SLFN12: variants seen among roughly 807,000 people sequenced by gnomAD.
SLFN12 encodes the protein ribonuclease SLFN12.
Under a neutral mutation model 29.1 loss-of-function variants are expected in SLFN12, and 25 were observed. The ratio of observed to expected loss-of-function variants is 0.86; its 90% CI spans 0.63 to 1.20. SLFN12 has a LOEUF of 1.20. Ranked by LOEUF, SLFN12 falls within the 50% of genes most tolerant of loss-of-function variation. SLFN12 has a pLI of 0.00. For missense variants in SLFN12, 660 were observed against 666.2 expected, an observed-to-expected ratio of 0.99 and a Z score of 0.10; for synonymous variants, 257 against 238.7, an observed-to-expected ratio of 1.08 and a Z score of -0.71.
intron 2 of SLFN12, among the ~76,000 whole-genome samples, 168 bp downstream of exon 2, chr17:35,421,822 G>A (rs1308838804): frequency 6.6e-6 from 1 of 152,054 alleles, no homozygotes; most frequent in Non-Finnish European, 1.5e-5. Context: ...ATACAGACGT[G>A]AGCCACCGCG....
At chr17:35,412,909 T>A (rs1294226970) in intron 3 of SLFN12, among the ~76,000 whole-genome samples, 1 of 151,802 alleles carries the variant, frequency 6.6e-6, no homozygotes, top group East Asian at 1.9e-4. Flanking sequence ...AAACTAAAAT[T>A]GAGGGATAAA....
In SLFN12 at chr17:35,432,157, GA is replaced by G. The variant is rs1317073667; in HGVS notation, c.-41+30del. On this transcript the variant is annotated intron_variant, in intron 1 of 3. Coordinates refer to ENST00000304905, the MANE Select transcript of SLFN12 (RefSeq NM_018042.5). ...ATGGAGCAGAAAGGAAAAGGGAAAG[GA>G]GAAAAATAAATCCCAGACTTTGGGC... 8 of 152,198 alleles carry G rather than the reference GA, an allele frequency of 5.3e-5. No homozygotes were observed. The East Asian group carries it at 1.5e-3, about 29-fold the overall frequency. The allele number at this position is 152,198 out of a possible 1,614,324, so 9.4% of individuals were successfully genotyped here.
At chr17:35,412,410 T>C (rs1911078844) in intron 3 of SLFN12, among the ~76,000 whole-genome samples, 1 of 152,098 alleles carries the variant, frequency 6.6e-6, no homozygotes, top group Admixed American at 6.5e-5. Flanking sequence ...AAGAGCTGAA[T>C]GTAAGTTTCT....
chr17:35,421,015 C>G (rs1427976442), intron 2 of SLFN12, among the ~76,000 whole-genome samples: 7 of 151,862 alleles, frequency 4.6e-5, no homozygotes, highest in Non-Finnish European at 8.8e-5. Context: ...CGAGACCAGC[C>G]TGGCCAACAT....
chr17:35,414,868 GAAAC>G (rs1911227294), intron 3 of SLFN12, among the ~76,000 whole-genome samples: 2 of 152,042 alleles, frequency 1.3e-5, no homozygotes, highest in South Asian at 4.1e-4. Context: ...AATCATAGAT[GAAAC>G]AAACAAATGG....
Position 35,417,662 on chromosome 17 carries a change from G to A in SLFN12, c.1147+2612C>T, listed in dbSNP as rs532920411. On this transcript the variant is annotated intron_variant, in intron 3 of 3. Coordinates refer to ENST00000304905, the MANE Select transcript of SLFN12 (RefSeq NM_018042.5). Reference sequence around the variant, plus strand: ...AGGACAAGAAAAAAAGACATTAAAGGCAGAAAGATTGGAAAGGAAAAGACA... The same window carrying A: ...AGGACAAGAAAAAAAGACATTAAAGACAGAAAGATTGGAAAGGAAAAGACA... Among the ~76,000 whole-genome samples, 58 of 152,134 alleles carry A rather than the reference G, an allele frequency of 3.8e-4. No homozygotes were observed. The South Asian group carries it at 0.011, about 30-fold the overall frequency.
At chr17:35,428,152 C>T (rs1049599511) in intron 1 of SLFN12, among the ~76,000 whole-genome samples, 1 of 152,026 alleles carries the variant, frequency 6.6e-6, no homozygotes, top group Non-Finnish European at 1.5e-5. Flanking sequence ...TATGTACACA[C>T]AGAGAGAGAC....
chr17:35,418,380 C>T (rs1234622283), intron 3 of SLFN12, among the ~76,000 whole-genome samples: 1 of 152,110 alleles, frequency 6.6e-6, no homozygotes, highest in Non-Finnish European at 1.5e-5. Flanking sequence ...AAGACCAACC[C>T]TTCTCTTCCT....
chr17:35,424,243 G>A (rs1911871837), intron 1 of SLFN12, among the ~76,000 whole-genome samples: 1 of 151,858 alleles, frequency 6.6e-6, no homozygotes, highest in African/African-American at 2.4e-5. Flanking sequence ...ATTTTTAAAT[G>A]TAACAAGTGT....
chr17:35,431,289 C>T (rs1912303243), intron 1 of SLFN12, among the ~76,000 whole-genome samples: 1 of 152,076 alleles, frequency 6.6e-6, no homozygotes, highest in South Asian at 2.1e-4. Flanking sequence ...GTCAAACTTC[C>T]TCGCACTTCA....
At chr17:35,427,502 A>T (rs1232870037) in intron 1 of SLFN12, among the ~76,000 whole-genome samples, 4 of 152,052 alleles carry the variant, frequency 2.6e-5, no homozygotes, top group Non-Finnish European at 2.9e-5. Context: ...TGAGTTGAGG[A>T]TGTGAGCTGT....
chr17:35,411,553 A>G lies in SLFN12; in HGVS notation c.1522T>C (p.Cys508Arg). ...ACTTGCGACCTTAAATCATACTGGC[A>G]GCTTGTCATGCCTTCAGGGCTCAAG... ...FYLSPEGMTSCQYDLRSQVIY... is the reference protein window; with the variant it reads ...FYLSPEGMTSRQYDLRSQVIY... Residue 508 changes from cysteine (C) to arginine (R), a missense_variant, in exon 4 of 4, where the codon TGC becomes CGC. Physicochemically the swap from Cys to Arg is radical, Grantham distance 180 (BLOSUM62 -3). Transcript: ENST00000304905. 1 of 1,614,096 alleles carries G rather than the reference A, an allele frequency of 6.2e-7. No individual in the cohort carries two copies. The highest frequency in any genetic ancestry group is 8.5e-7 in the Non-Finnish European group (1 of 1,179,998).
In SLFN12 at chr17:35,422,677, G is replaced by A; in HGVS notation, c.352C>T (p.Arg118Trp). ...KSWSLNTSGL[R>W]ITTLSSNLYK... ...AAATTGGAGCTCAAGGTGGTAATCC[G>A]CAGACCAGAGGTGTTCAAGCTCCAT... Residue 118 changes from arginine (R) to tryptophan (W), a missense_variant, in exon 2 of 4, where the codon CGG becomes TGG. Coordinates refer to ENST00000304905, the MANE Select transcript of SLFN12 (RefSeq NM_018042.5). 6.2e-6 allele frequency: 10 copies of A among 1,613,914 alleles called. No homozygotes were observed. Among genetic ancestry groups the A allele is most frequent in the South Asian group, 2.2e-5 (2 of 91,052 alleles).
chr17:35,420,251 C>G (rs759075722), intron 3 of SLFN12, 23 bp downstream of exon 3: 1 of 1,562,356 alleles, frequency 6.4e-7, no homozygotes, highest in East Asian at 2.2e-5. Flanking sequence ...CTAACAAATC[C>G]GAAGAAGCCA....
rs941254167 is a variant in SLFN12 at position 35,420,547 on chromosome 17, A to G, written c.1040-166T>C. On this transcript the variant is annotated intron_variant, in intron 2 of 3. Transcript: ENST00000304905. ...TTCTTAGGTCAGATACAAATTGCAA[A>G]ATTAACTTTTGATGCCACTGACACA... 3 of 490,226 alleles carry G rather than the reference A, an allele frequency of 6.1e-6. No individual in the cohort carries two copies. In the East Asian group the frequency reaches 1.0e-4, roughly 16 times the overall value. 30.4% of individuals were successfully genotyped at this position (490,226 alleles called of 1,614,324 possible).
chr17:35,422,048 G>C lies in SLFN12; in HGVS notation c.981C>G (p.Asn327Lys), dbSNP rs1457749537. ...CCTTCCTGGTCAACTGCATCACACG[G>C]TTATCTTTCACATGCCAGGAATCAG... ...KEPDSWHVKD[N>K]RVMQLTRKEW... is the part of the protein sequence containing the mutation. Residue 327 changes from asparagine (N) to lysine (K), a missense_variant, in exon 2 of 4, where the codon AAC becomes AAG. By Grantham distance (94) the Asn-to-Lys change is moderately conservative. Transcript: ENST00000304905. The C allele has an allele frequency of 6.2e-7, 1 of 1,613,900 alleles. No individual in the cohort carries two copies. Among genetic ancestry groups the C allele is most frequent in the Admixed American group, 1.7e-5 (1 of 59,984 alleles).
intron 2 of SLFN12, chr17:35,420,687 G>T (rs1348698290): frequency 9.2e-6 from 2 of 218,316 alleles, no homozygotes; most frequent in Non-Finnish European, 1.8e-5. Context: ...GCTAGTGAAG[G>T]AAAGCTGACT....
rs1305264180 is a variant in SLFN12, at chr17:35,422,303, A to T, written c.726T>A (p.Asn242Lys). ...TAAAGCCAATTATTTCTTTATCTTC[A>T]TTTAAACCAATGAACAAATATCCTC... Reference protein sequence around the residue: ...TDGGYLFIGLNEDKEIIGFKA... With the variant: ...TDGGYLFIGLKEDKEIIGFKA... Residue 242 changes from asparagine to lysine, a missense_variant, in exon 2 of 4, where the codon AAT (asparagine) becomes AAA (lysine). By Grantham distance (94) the Asn-to-Lys change is moderately conservative (BLOSUM62 0). Coordinates refer to ENST00000304905, the MANE Select transcript of SLFN12 (RefSeq NM_018042.5). 1 of 1,613,872 alleles carries T rather than the reference A, an allele frequency of 6.2e-7. No homozygotes were observed. Among genetic ancestry groups the T allele is most frequent in the South Asian group, 1.1e-5 (1 of 91,050 alleles).
chr17:35,419,030 G>A (rs1394235538), intron 3 of SLFN12, among the ~76,000 whole-genome samples: 1 of 152,024 alleles, frequency 6.6e-6, no homozygotes, highest in Non-Finnish European at 1.5e-5. Flanking sequence ...ACCACACCTG[G>A]CTAATTTTTG....
Sources: gnomAD v4.1 joint callset for allele counts (sites outside exome capture counted in the v4.1 genomes callset) on GRCh38, gnomAD v4.1.1 for gene constraint, MANE v1.5 for transcripts, NCBI Gene and HGNC (gene_info 2026-07-23, HGNC 2026-07-21) for gene names.